The following STK39 variants were observed in gnomAD, a reference collection of about 807,000 sequenced individuals.
The protein encoded by STK39 is serine/threonine kinase 39.
STK39 carries 20 observed loss-of-function variants against 77.8 expected under a neutral mutation model. That is an observed-to-expected ratio of 0.26 (90% CI 0.18 to 0.37). STK39 has a LOEUF of 0.37. STK39 is among the 10% of genes least tolerant of loss of function. The probability of loss-of-function intolerance (pLI) is 1.00; values close to 1 mark genes in which losing one functional copy is unlikely to be tolerated. For missense variants in STK39, 479 were observed against 656.5 expected (o/e 0.73, Z 2.95); for synonymous variants, 246 against 234.1 (o/e 1.05, Z -0.47).
At chr2:168,090,105 G>T (rs1686476853) in intron 10 of STK39, among the ~76,000 whole-genome samples, 2 of 152,156 alleles carry the variant, frequency 1.3e-5, no homozygotes. Flanking sequence ...CAGAATAATG[G>T]ATACTGTTGT....
intron 10 of STK39, among the ~76,000 whole-genome samples, chr2:168,111,335 C>T (rs1431218875): frequency 6.6e-6 from 1 of 152,006 alleles, no homozygotes; most frequent in Non-Finnish European, 1.5e-5. Context: ...TTTCATTTTC[C>T]ATCTTCCTGA....
chr2:168,008,643 A>C (rs1291620722), intron 16 of STK39, among the ~76,000 whole-genome samples: 2 of 152,196 alleles, frequency 1.3e-5, no homozygotes, highest in Non-Finnish European at 2.9e-5. Flanking sequence ...ACGAAACCTG[A>C]TAAGATCAGC....
At chr2:168,076,418 T>A (rs1184437527) in intron 10 of STK39, among the ~76,000 whole-genome samples, 1 of 152,222 alleles carries the variant, frequency 6.6e-6, no homozygotes, top group African/African-American at 2.4e-5. Flanking sequence ...TAGACACTAT[T>A]TAGTTGCATC....
intron 14 of STK39, among the ~76,000 whole-genome samples, chr2:168,039,261 T>C (rs1685039463): frequency 6.6e-6 from 1 of 151,968 alleles, no homozygotes; most frequent in Non-Finnish European, 1.5e-5. Context: ...TGAATACATA[T>C]AAAAGTCTAT....
chr2:168,018,502 AAAAG>A (rs1684472945), intron 14 of STK39, among the ~76,000 whole-genome samples: 2 of 118,356 alleles, frequency 1.7e-5, no homozygotes, highest in South Asian at 5.4e-4. Flanking sequence ...CATTTTTAAG[AAAAG>A]AAAGAAAAGA....
At chr2:168,192,334 A>G (rs1385648814) in intron 1 of STK39, among the ~76,000 whole-genome samples, 1 of 152,150 alleles carries the variant, frequency 6.6e-6, no homozygotes, top group African/African-American at 2.4e-5. Flanking sequence ...CTTAATAAGG[A>G]GCCAAGGGAG....
chr2:168,062,628 A>G (rs1685692501), intron 14 of STK39, among the ~76,000 whole-genome samples: 1 of 152,198 alleles, frequency 6.6e-6, no homozygotes, highest in African/African-American at 2.4e-5. Flanking sequence ...CTTAAGGATG[A>G]GCCCACTTTT....
At chr2:168,108,956 AAT>A (rs1244285250) in intron 10 of STK39, among the ~76,000 whole-genome samples, 1 of 152,112 alleles carries the variant, frequency 6.6e-6, no homozygotes, top group Non-Finnish European at 1.5e-5. Flanking sequence ...TGTCCCATTT[AAT>A]AGTCGTAACA....
intron 14 of STK39, among the ~76,000 whole-genome samples, chr2:168,048,393 T>C (rs1275654809): frequency 6.6e-6 from 1 of 152,072 alleles, no homozygotes; most frequent in East Asian, 1.9e-4. Context: ...TTTGTATTTT[T>C]AGTAGAGACG....
intron 16 of STK39, among the ~76,000 whole-genome samples, chr2:167,983,393 C>T (rs1227412388): frequency 5.4e-5 from 8 of 147,034 alleles, no homozygotes; most frequent in African/African-American, 1.5e-4. Flanking sequence ...GCAGGAGAAT[C>T]GCTTGAACCC....
chr2:168,173,092 T>G (rs1420969972), intron 2 of STK39, among the ~76,000 whole-genome samples: 1 of 152,206 alleles, frequency 6.6e-6, no homozygotes, highest in Non-Finnish European at 1.5e-5. Context: ...GAAATGTATT[T>G]TTCTTTCAAT....
chr2:168,110,794 T>C (rs1467942704), intron 10 of STK39, among the ~76,000 whole-genome samples: 2 of 152,206 alleles, frequency 1.3e-5, no homozygotes, highest in African/African-American at 4.8e-5. Flanking sequence ...AATCAGCTTG[T>C]TGAGTTTCTC....
intron 14 of STK39, among the ~76,000 whole-genome samples, chr2:168,041,138 TTTTTAACAAG>T (rs1685094237): frequency 6.6e-6 from 1 of 152,142 alleles, no homozygotes; most frequent in South Asian, 2.1e-4. Flanking sequence ...AGGAGCTGTG[TTTTTAACAAG>T]TTTAACATTA....
At chr2:168,140,229 GA>G in intron 7 of STK39, 59 bp downstream of exon 7, 1 of 1,383,054 alleles carries the variant, frequency 7.2e-7, no homozygotes, top group Non-Finnish European at 1.0e-6. Context: ...AAGAGAATTA[GA>G]AAACAGATTC....
intron 1 of STK39, among the ~76,000 whole-genome samples, chr2:168,206,982 C>T (rs1478796048): frequency 6.6e-6 from 1 of 152,240 alleles, no homozygotes; most frequent in Non-Finnish European, 1.5e-5. Flanking sequence ...AACCCATTCA[C>T]TGTACAAGAC....
intron 2 of STK39, among the ~76,000 whole-genome samples, chr2:168,168,065 G>A (rs982721337): frequency 1.3e-5 from 2 of 152,152 alleles, no homozygotes; most frequent in Non-Finnish European, 1.5e-5. Context: ...GGGAATATTA[G>A]TACTGTCAAA....
chr2:167,962,604 T>A (rs1692017440), intron 17 of STK39, among the ~76,000 whole-genome samples: 1 of 152,178 alleles, frequency 6.6e-6, no homozygotes, highest in Non-Finnish European at 1.5e-5. Flanking sequence ...CGGACTTGTT[T>A]CCAAAACTCC....
chr2:168,123,189 G>A (rs74742105), intron 10 of STK39, among the ~76,000 whole-genome samples: 14,318 of 152,158 alleles, frequency 0.094, 1,178 homozygotes, highest in African/African-American at 0.2. Flanking sequence ...CTCTTCAAAG[G>A]AGTCACAGAT....
chr2:168,215,719 G>C (rs1453101785), intron 1 of STK39, among the ~76,000 whole-genome samples: 2 of 152,176 alleles, frequency 1.3e-5, no homozygotes, highest in African/African-American at 4.8e-5. Context: ...TAAAGGAACA[G>C]CAGCTGGAAA....
Sources: allele counts gnomAD v4.1 joint callset (sites outside exome capture counted in the v4.1 genomes callset), GRCh38; gene constraint gnomAD v4.1.1; transcripts MANE v1.5; gene names NCBI Gene and HGNC (gene_info 2026-07-23, HGNC 2026-07-21).